RAI14: variants seen among roughly 807,000 people sequenced by gnomAD.
The protein encoded by RAI14 is ankycorbin.
A neutral mutation model predicts 115.4 loss-of-function variants in RAI14; 45 were observed. That is an observed-to-expected ratio of 0.39 (90% CI 0.31 to 0.50). RAI14 has a LOEUF of 0.50. RAI14 is among the 20% of genes least tolerant of loss of function. The pLI is 0.85. For missense variants in RAI14, 939 were observed against 1,131.2 expected, an observed-to-expected ratio of 0.83 and a Z score of 2.44; for synonymous variants, 371 against 415.4, an observed-to-expected ratio of 0.89 and a Z score of 1.30.
chr5:34,793,456 T>C (rs1753163262), intron 3 of RAI14, among the ~76,000 whole-genome samples: 1 of 152,082 alleles, frequency 6.6e-6, no homozygotes, highest in South Asian at 2.1e-4. Context: ...GGTTAGTAAC[T>C]AAAAGGGGCA....
At chr5:34,727,966 C>G (rs965193270) in intron 2 of RAI14, among the ~76,000 whole-genome samples, 12 of 152,110 alleles carry the variant, frequency 7.9e-5, no homozygotes, top group Non-Finnish European at 1.6e-4. Context: ...AATGGTGGAT[C>G]CACTGACAGC....
intron 4 of RAI14, among the ~76,000 whole-genome samples, chr5:34,801,747 A>C (rs1384315606): frequency 2.0e-5 from 3 of 151,176 alleles, no homozygotes; most frequent in Non-Finnish European, 3.0e-5. Flanking sequence ...AAAAAAAAAA[A>C]GGTATTTGGG....
intron 1 of RAI14, among the ~76,000 whole-genome samples, chr5:34,679,854 C>T (rs256296): frequency 0.27 from 41,365 of 151,816 alleles, 5,924 homozygotes; most frequent in East Asian, 0.46. Flanking sequence ...TACAAATATC[C>T]CAATGACGCT....
At chr5:34,810,389 A>T (rs1755438200) in intron 7 of RAI14, among the ~76,000 whole-genome samples, 1 of 152,250 alleles carries the variant, frequency 6.6e-6, no homozygotes, top group South Asian at 2.1e-4. Flanking sequence ...CATAGTTTGT[A>T]TATGAGTTGG....
chr5:34,811,676 CTTCT>C (rs1755602428), intron 8 of RAI14, 87 bp from the exon 9 acceptor site: 1 of 1,201,386 alleles, frequency 8.3e-7, no homozygotes, highest in Admixed American at 2.7e-5. Flanking sequence ...TGCACTTAAT[CTTCT>C]TTTCTCTTTT....
intron 1 of RAI14, among the ~76,000 whole-genome samples, chr5:34,676,765 A>G (rs560950801): frequency 6.6e-6 from 1 of 152,336 alleles, no homozygotes; most frequent in South Asian, 2.1e-4. Context: ...TGAATATAGG[A>G]GATGAATGGT....
chr5:34,768,104 G>T (rs2935236), intron 3 of RAI14, among the ~76,000 whole-genome samples: 62 of 152,174 alleles, frequency 4.1e-4, no homozygotes, highest in Non-Finnish European at 7.4e-5. Flanking sequence ...TGGGTGGGAG[G>T]CTGTACACTG....
chr5:34,703,267 C>A (rs964971906), intron 2 of RAI14, among the ~76,000 whole-genome samples: 2 of 152,114 alleles, frequency 1.3e-5, no homozygotes, highest in Admixed American at 6.5e-5. Flanking sequence ...TACATCAACA[C>A]CTCTTCTTAG....
At chr5:34,825,259 A>G (rs1200305804) in intron 15 of RAI14, among the ~76,000 whole-genome samples, 1 of 152,230 alleles carries the variant, frequency 6.6e-6, no homozygotes, top group Non-Finnish European at 1.5e-5. Flanking sequence ...TGGGCAACAG[A>G]GTGAGACCCT....
At chr5:34,821,664 A>G in intron 13 of RAI14, 68 bp from the exon 14 acceptor site, 1 of 964,904 alleles carries the variant, frequency 1.0e-6, no homozygotes, top group Non-Finnish European at 1.6e-6. Flanking sequence ...TAGGAAGTGA[A>G]TTTGTCTCAG....
intron 2 of RAI14, among the ~76,000 whole-genome samples, chr5:34,756,838 T>G (rs375206540): frequency 6.6e-6 from 1 of 152,216 alleles, no homozygotes; most frequent in Non-Finnish European, 1.5e-5. Flanking sequence ...GGTTTGGCAT[T>G]GACAGTGATT....
intron 2 of RAI14, among the ~76,000 whole-genome samples, chr5:34,727,602 G>A (rs1166229650): frequency 6.6e-6 from 1 of 152,130 alleles, no homozygotes; most frequent in Non-Finnish European, 1.5e-5. Flanking sequence ...CTAGGGACTT[G>A]GTGTCCTGCA....
At chr5:34,687,211 C>T (rs183928810) in intron 2 of RAI14, among the ~76,000 whole-genome samples, 2 of 152,154 alleles carry the variant, frequency 1.3e-5, no homozygotes, top group Admixed American at 6.5e-5. Context: ...AGAAAGGAAC[C>T]GTCACATTAA....
At chr5:34,807,159 T>C (rs970295458) in intron 5 of RAI14, among the ~76,000 whole-genome samples, 2 of 152,090 alleles carry the variant, frequency 1.3e-5, no homozygotes, top group Admixed American at 6.5e-5. Flanking sequence ...TGGAGGAGCT[T>C]ACCAGGGAAA....
In RAI14 at chr5:34,812,085, A is replaced by G. The variant is rs1458277216; in HGVS notation, c.737-95A>G. The G allele has an allele frequency of 5.3e-6, 7 of 1,324,280 alleles. No individual in the cohort carries two copies. The East Asian group carries it at 1.4e-4, about 26-fold the overall frequency. The allele number at this position is 1,324,280 out of a possible 1,614,324, so 82.0% of individuals were successfully genotyped here. A position where few individuals can be genotyped will look rare whatever the true frequency, so the allele number is the denominator to read the frequency against. ...GAAAAAAAAAGGAGTGTTAAAAAAT[A>G]TTGTATATGGTGTATGTGTGTGTAT... On this transcript the variant is annotated intron_variant, in intron 9 of 17. Transcript: ENST00000265109.
chr5:34,708,350 G>A (rs1430188968), intron 2 of RAI14, among the ~76,000 whole-genome samples: 2 of 152,050 alleles, frequency 1.3e-5, no homozygotes, highest in East Asian at 1.9e-4. Context: ...TTACAGGCAT[G>A]CGCCACCTCG....
At chr5:34,684,711 T>A (rs1330076243) in intron 1 of RAI14, 1 of 152,232 alleles carries the variant, frequency 6.6e-6, no homozygotes, top group Admixed American at 6.5e-5. Flanking sequence ...GGGTGACTTT[T>A]GGAGGTAGCA....
chr5:34,761,109 T>C (rs920306985), intron 3 of RAI14, among the ~76,000 whole-genome samples: 8 of 152,344 alleles, frequency 5.3e-5, no homozygotes, highest in African/African-American at 1.9e-4. Context: ...TACATAGCAG[T>C]TAGGTAAGAG....
intron 11 of RAI14, among the ~76,000 whole-genome samples, chr5:34,814,049 C>T (rs550204873): frequency 2.2e-4 from 34 of 152,150 alleles, no homozygotes; most frequent in African/African-American, 7.2e-4. Flanking sequence ...AATTTCAGTT[C>T]GTTTCTTAAA....
Sources: gnomAD v4.1 joint callset for allele counts (sites outside exome capture counted in the v4.1 genomes callset) on GRCh38, gnomAD v4.1.1 for gene constraint, MANE v1.5 for transcripts, NCBI Gene and HGNC (gene_info 2026-07-23, HGNC 2026-07-21) for gene names.